The following COX7B2 variants were observed in gnomAD, a reference collection of about 807,000 sequenced individuals.
The protein encoded by COX7B2 is cytochrome c oxidase subunit 7B2, mitochondrial.
For missense variants in COX7B2, 109 were observed against 95.9 expected, an observed-to-expected ratio of 1.14 and a Z score of -0.57; for synonymous variants, 37 against 32.1, an observed-to-expected ratio of 1.15 and a Z score of -0.51.
intron 2 of COX7B2, among the ~76,000 whole-genome samples, chr4:46,817,104 G>A (rs1719595623): frequency 6.6e-6 from 1 of 152,156 alleles, no homozygotes; most frequent in African/African-American, 2.4e-5. Flanking sequence ...GGGGAAGCAA[G>A]TTAATTTTAA....
intron 2 of COX7B2, among the ~76,000 whole-genome samples, chr4:46,820,365 G>A (rs141405962): frequency 4.6e-5 from 7 of 152,212 alleles, no homozygotes; most frequent in East Asian, 1.9e-4. Context: ...AGGCAATGAC[G>A]TGAGCAATGG....
Position 46,783,226 on chromosome 4 carries a change from A to G in COX7B2, c.-49-47985T>C, listed in dbSNP as rs140040764. ...AGAACATTCAGTAAACCCATGAGTAAAGGCTTTGACAGAAACCTTACAGGC... is the reference window on the plus strand; with the variant it reads ...AGAACATTCAGTAAACCCATGAGTAGAGGCTTTGACAGAAACCTTACAGGC... On this transcript the variant is annotated intron_variant, in intron 2 of 2. Transcript: ENST00000355591. Among the ~76,000 whole-genome samples, 12 of 152,346 alleles carry G rather than the reference A, an allele frequency of 7.9e-5. No individual in the cohort carries two copies. In the East Asian group the frequency reaches 2.3e-3, roughly 29 times the overall value.
chr4:46,782,240 G>A (rs960414958), intron 2 of COX7B2, among the ~76,000 whole-genome samples: 37 of 152,108 alleles, frequency 2.4e-4, no homozygotes, highest in Middle Eastern at 3.2e-3. Context: ...TCTGTATGTA[G>A]CTAATCTGGT....
intron 2 of COX7B2, among the ~76,000 whole-genome samples, chr4:46,781,266 T>G (rs931129995): frequency 6.6e-6 from 1 of 152,174 alleles, no homozygotes; most frequent in East Asian, 1.9e-4. Flanking sequence ...ATTCGGATAA[T>G]AGACCCCTTC....
chr4:46,819,394 A>G (rs1457592656), intron 2 of COX7B2, among the ~76,000 whole-genome samples: 1 of 152,192 alleles, frequency 6.6e-6, no homozygotes, highest in Non-Finnish European at 1.5e-5. Context: ...TAGGAAAGTC[A>G]CTAAAAGAGA....
intron 1 of COX7B2, among the ~76,000 whole-genome samples, chr4:46,852,676 T>G (rs545426606): frequency 1.3e-5 from 2 of 152,238 alleles, no homozygotes; most frequent in Admixed American, 6.5e-5. Flanking sequence ...AAATCAATTC[T>G]CAAGATATTT....
At position 46,833,807 on chromosome 4, in the gene COX7B2, A is replaced by C. The variant is rs149750273; in HGVS notation, c.-50+11153T>G. 4.4e-3 allele frequency among the ~76,000 whole-genome samples: 676 copies of C among 152,314 alleles called. 6 individuals carry two copies. The highest frequency in any genetic ancestry group is 0.016 in the African/African-American group (655 of 41,564). On this transcript the variant is annotated intron_variant, in intron 2 of 2. Coordinates refer to ENST00000355591, the MANE Select transcript of COX7B2 (RefSeq NM_130902.3). ...TTAATCTTTACAGATAAGGCAAAAA[A>C]AAGAAGTGTGCAAAAAAAATATGGA...
intron 1 of COX7B2, among the ~76,000 whole-genome samples, chr4:46,869,197 A>AT (rs1231495235): frequency 6.6e-6 from 1 of 151,598 alleles, no homozygotes; most frequent in African/African-American, 2.4e-5. Flanking sequence ...GCAACCCCTG[A>AT]TTTTTTCTGT....
intron 1 of COX7B2, among the ~76,000 whole-genome samples, chr4:46,859,765 T>C (rs1243067275): frequency 1.3e-5 from 2 of 152,190 alleles, no homozygotes. Context: ...AGTGCCATGA[T>C]AGTTTACAAA....
At chr4:46,814,806 G>T (rs1185179400) in intron 2 of COX7B2, among the ~76,000 whole-genome samples, 1 of 152,130 alleles carries the variant, frequency 6.6e-6, no homozygotes, top group African/African-American at 2.4e-5. Flanking sequence ...ATAGGGAATT[G>T]TATCTGTTGA....
chr4:46,894,978 A>G (rs1042875906), intron 1 of COX7B2, among the ~76,000 whole-genome samples: 1 of 152,164 alleles, frequency 6.6e-6, no homozygotes, highest in Non-Finnish European at 1.5e-5. Flanking sequence ...AAGTTGAAAA[A>G]TAACAGATGC....
chr4:46,769,116 C>G (rs2109508138), intron 2 of COX7B2, among the ~76,000 whole-genome samples: 1 of 152,000 alleles, frequency 6.6e-6, no homozygotes, highest in Middle Eastern at 3.4e-3. Flanking sequence ...ATAAGAATAA[C>G]TTAAAGTATA....
intron 2 of COX7B2, among the ~76,000 whole-genome samples, chr4:46,815,586 T>G (rs73142949): frequency 0.035 from 5,320 of 152,204 alleles, 237 homozygotes; most frequent in African/African-American, 0.11. Context: ...AAATTAAAAA[T>G]AATCTGTATT....
chr4:46,873,007 G>A (rs933452131), intron 1 of COX7B2, among the ~76,000 whole-genome samples: 1 of 132,758 alleles, frequency 7.5e-6, no homozygotes, highest in East Asian at 2.4e-4. Context: ...AGTGTGTGAT[G>A]TTTCCCTCCC....
rs188190894 is a variant in COX7B2 at position 46,771,213 on chromosome 4, T to A, written c.-49-35972A>T. 1.6e-3 allele frequency among the ~76,000 whole-genome samples: 244 copies of A among 152,228 alleles called. 3 individuals carry two copies. The highest frequency in any genetic ancestry group is 3.4e-3 in the Middle Eastern group (1 of 294). On this transcript the variant is annotated intron_variant, in intron 2 of 2. Coordinates refer to ENST00000355591, the MANE Select transcript of COX7B2 (RefSeq NM_130902.3). ...ACTGCTAACGCGTGTATGGAAAAAT[T>A]CTCAACATCACTAACTATCAGAGAA...
chr4:46,869,692 T>C (rs141653657), intron 1 of COX7B2, among the ~76,000 whole-genome samples: 287 of 152,294 alleles, frequency 1.9e-3, no homozygotes, highest in African/African-American at 6.4e-3. Context: ...TAATGTTGAA[T>C]ATAGGCCCCC....
intron 2 of COX7B2, among the ~76,000 whole-genome samples, chr4:46,762,511 T>A (rs1716248728): frequency 7.0e-6 from 1 of 142,978 alleles, no homozygotes; most frequent in Non-Finnish European, 1.5e-5. Flanking sequence ...ATATTATGAT[T>A]AAGTAGAAAA....
intron 1 of COX7B2, among the ~76,000 whole-genome samples, chr4:46,874,719 G>A (rs907348487): frequency 6.6e-6 from 1 of 151,898 alleles, no homozygotes; most frequent in Non-Finnish European, 1.5e-5. Context: ...ACTTTAAAAT[G>A]TCAGGAAAAA....
chr4:46,772,305 G>C (rs148514137), intron 2 of COX7B2, among the ~76,000 whole-genome samples: 1 of 152,234 alleles, frequency 6.6e-6, no homozygotes, highest in African/African-American at 2.4e-5. Context: ...GGGGGAAATG[G>C]GGAGTTGCAA....
Sources: gnomAD v4.1 joint callset for allele counts (sites outside exome capture counted in the v4.1 genomes callset) on GRCh38, gnomAD v4.1.1 for gene constraint, MANE v1.5 for transcripts, NCBI Gene and HGNC (gene_info 2026-07-23, HGNC 2026-07-21) for gene names.